PCDHGA2: variants seen among roughly 807,000 people sequenced by gnomAD.
The protein encoded by PCDHGA2 is protocadherin gamma-A2.
In PCDHGA2, 40 loss-of-function variants were observed where a neutral mutation model predicts 59.2. The ratio of observed to expected loss-of-function variants is 0.68; its 90% confidence interval spans 0.52 to 0.88. The LOEUF is 0.88. Ranked by LOEUF, PCDHGA2 falls within the 40% of genes least tolerant of loss-of-function variation. The pLI is 0.00. For missense variants in PCDHGA2, 1,226 were observed against 1,204.0 expected, an observed-to-expected ratio of 1.02 and a Z score of -0.27; for synonymous variants, 560 against 526.0, an observed-to-expected ratio of 1.06 and a Z score of -0.89.
chr5:141,353,687 C>T (rs555307178), intron 1 of PCDHGA2, among the ~76,000 whole-genome samples: 3 of 152,224 alleles, frequency 2.0e-5, no homozygotes, highest in South Asian at 2.1e-4. Context: ...GTTTATAAAG[C>T]GTTTTCCATA....
rs1302496204 is a variant in PCDHGA2, at chr5:141,413,214, T to A, written c.2424+71819T>A. On this transcript the variant is annotated intron_variant, in intron 1 of 3. Coordinates refer to ENST00000394576, the MANE Select transcript of PCDHGA2 (RefSeq NM_018915.4). ...GGAATCGCTCAAAGGAATCAAAGGA[T>A]TGCAGCGGGCTGGTCCTGCTCTGCC... 6 of 1,613,176 alleles carry A rather than the reference T, an allele frequency of 3.7e-6. No homozygotes were observed. The African/African-American group carries it at 8.0e-5, about 22-fold the overall frequency.
chr5:141,366,703 T>C, intron 1 of PCDHGA2: 5 of 1,614,226 alleles, frequency 3.1e-6, no homozygotes, highest in Non-Finnish European at 3.4e-6. Context: ...GCGAGCCTCT[T>C]CTGATGTCTG....
chr5:141,438,627 TATATATATACACACAC>T (rs1396288881), intron 1 of PCDHGA2, among the ~76,000 whole-genome samples: 69 of 48,002 alleles, frequency 1.4e-3, no homozygotes, highest in Admixed American at 2.8e-3. Flanking sequence ...TATATATATA[TATATATATACACACAC>T]ACACACACAT....
Position 141,432,098 on chromosome 5 carries a change from G to A in PCDHGA2, c.2425-62709G>A. 1.2e-6 allele frequency: 2 copies of A among 1,614,056 alleles called. No homozygotes were observed. Among genetic ancestry groups the A allele is most frequent in the Non-Finnish European group, 1.7e-6 (2 of 1,180,002 alleles). ...CTCGCTGAACGTGGCAGACACCAAC[G>A]ACAACCCGCCGGTCTTCCCTCAGGC... On this transcript the variant is annotated intron_variant, in intron 1 of 3. Transcript: ENST00000394576. The surrounding 1 kb of genome is among the most constrained non-coding windows in gnomAD (Gnocchi z 6.0).
intron 1 of PCDHGA2, chr5:141,365,836 C>T: frequency 6.2e-7 from 1 of 1,613,976 alleles, no homozygotes; most frequent in Non-Finnish European, 8.5e-7. Flanking sequence ...CGCCCTTGTC[C>T]TCCTATGTAT....
Position 141,476,294 on chromosome 5 carries a change from A to G in PCDHGA2, c.2425-18513A>G. 6.2e-7 allele frequency: 1 copy of G among 1,613,036 alleles called. No homozygotes were observed. The highest frequency in any genetic ancestry group is 8.5e-7 in the Non-Finnish European group (1 of 1,179,642). On this transcript the variant is annotated intron_variant, in intron 1 of 3. Transcript: ENST00000394576. The surrounding 1 kb of genome is among the most constrained non-coding windows in gnomAD (Gnocchi z 7.6). ...CGCGAACCTTGGTTTGGATCTCGGT[A>G]GCCTCTCAGCCCGCAGGTTCCGGGT...
At chr5:141,399,851 C>T (rs971471583) in intron 1 of PCDHGA2, 3 of 1,612,950 alleles carry the variant, frequency 1.9e-6, no homozygotes, top group Non-Finnish European at 2.5e-6. Flanking sequence ...GATATGGTGC[C>T]GCGCGCTGCA....
intron 1 of PCDHGA2, chr5:141,370,587 A>G (rs775639424): frequency 6.8e-6 from 11 of 1,613,960 alleles, no homozygotes; most frequent in Non-Finnish European, 8.5e-6. Context: ...ACCTACTAGG[A>G]ACCTGCGGGT....
Position 141,486,230 on chromosome 5 carries a change from A to C in PCDHGA2, c.2425-8577A>C. On this transcript the variant is annotated intron_variant, in intron 1 of 3. Coordinates refer to ENST00000394576, the MANE Select transcript of PCDHGA2 (RefSeq NM_018915.4). The surrounding 1 kb of genome is among the most constrained non-coding windows in gnomAD (Gnocchi z 5.0). ...TGACAATGCCCCTTACATCACAGTGACCTCAGAGCTTGGAACCCTCCCCGA... is the reference window on the plus strand; with the variant it reads ...TGACAATGCCCCTTACATCACAGTGCCCTCAGAGCTTGGAACCCTCCCCGA... The C allele has an allele frequency of 6.2e-7, 1 of 1,614,016 alleles. No individual in the cohort carries two copies. Among genetic ancestry groups the C allele is most frequent in the Non-Finnish European group, 8.5e-7 (1 of 1,179,964 alleles).
At chr5:141,503,133 C>A (rs1164077875) in intron 2 of PCDHGA2, among the ~76,000 whole-genome samples, 1 of 152,002 alleles carries the variant, frequency 6.6e-6, no homozygotes, top group Non-Finnish European at 1.5e-5. Context: ...CTGGTAGCCC[C>A]TGACACAGCC....
rs61612330 is a variant in PCDHGA2 at position 141,454,796 on chromosome 5, A to ATTTTTTTTTTTTTTTTTTTTTTTTT, written c.2425-40006_2425-39982dup. ...AAGGAAATAATCCTCCATGGTTCTA[A>ATTTTTTTTTTTTTTTTTTTTTTTTT]TTTTTTTTTTTTTTTTTTTTTTTTT... On this transcript the variant is annotated intron_variant, in intron 1 of 3. Coordinates refer to ENST00000394576, the MANE Select transcript of PCDHGA2 (RefSeq NM_018915.4). Among the ~76,000 whole-genome samples, 7 of 77,408 alleles carry ATTTTTTTTTTTTTTTTTTTTTTTTT rather than the reference A, an allele frequency of 9.0e-5. 1 individual carries two copies. Among genetic ancestry groups the ATTTTTTTTTTTTTTTTTTTTTTTTT allele is most frequent in the East Asian group, 4.0e-4 (1 of 2,514 alleles). 50.8% of individuals were successfully genotyped at this position (77,408 alleles called of 152,430 possible). A position where few individuals can be genotyped will look rare whatever the true frequency, so the allele number is the denominator to read the frequency against.
At position 141,405,128 on chromosome 5, in the gene PCDHGA2, C is replaced by T. The variant is rs373084923; in HGVS notation, c.2424+63733C>T. On this transcript the variant is annotated intron_variant, in intron 1 of 3. Transcript: ENST00000394576. ...GCACTGGCACTCCTCGCATCTGCTG[C>T]GGGCTACCAGTGATGGGTTGGCTGG... is the stretch of plus-strand genomic sequence containing the variant. The T allele has an allele frequency of 4.8e-5, 78 of 1,614,002 alleles. No individual in the cohort carries two copies. The highest frequency in any genetic ancestry group is 2.8e-4 in the African/African-American group (21 of 75,052).
At chr5:141,385,312 C>T (rs1781113045) in intron 1 of PCDHGA2, 1 of 1,611,422 alleles carries the variant, frequency 6.2e-7, no homozygotes, top group African/African-American at 1.3e-5. Context: ...AGAAAACCTG[C>T]CAAGTATTCA....
At chr5:141,372,803 G>A (rs539583252) in intron 1 of PCDHGA2, 71 of 1,593,016 alleles carry the variant, frequency 4.5e-5, no homozygotes, top group Non-Finnish European at 6.1e-5. Flanking sequence ...CAGGCAATTT[G>A]CAAAAGGTGA....
intron 1 of PCDHGA2, chr5:141,346,318 A>G: frequency 6.2e-7 from 1 of 1,613,842 alleles, no homozygotes. Context: ...CTCACTGCGG[A>G]CTCGCGGAAG....
At chr5:141,374,059 C>T in intron 1 of PCDHGA2, 1 of 1,489,738 alleles carries the variant, frequency 6.7e-7, no homozygotes, top group Non-Finnish European at 8.9e-7. Flanking sequence ...TTCTTAATCC[C>T]AGAGAAGTTC....
Position 141,431,634 on chromosome 5 carries a change from T to C in PCDHGA2, c.2425-63173T>C. 2.5e-6 allele frequency: 4 copies of C among 1,614,238 alleles called. No homozygotes were observed. Among genetic ancestry groups the C allele is most frequent in the Non-Finnish European group, 3.4e-6 (4 of 1,180,044 alleles). ...GTGGACGACAAGGCGGCCCAAGTTTTCAAACTAGATTGTAATTCAGGGACA... is the reference window on the plus strand; with the variant it reads ...GTGGACGACAAGGCGGCCCAAGTTTCCAAACTAGATTGTAATTCAGGGACA... On this transcript the variant is annotated intron_variant, in intron 1 of 3. Coordinates refer to ENST00000394576, the MANE Select transcript of PCDHGA2 (RefSeq NM_018915.4). The surrounding 1 kb of genome is among the most constrained non-coding windows in gnomAD (Gnocchi z 4.8).
At chr5:141,478,044 C>G in intron 1 of PCDHGA2, 1 of 1,614,184 alleles carries the variant, frequency 6.2e-7, no homozygotes. Flanking sequence ...CCCAGGCAGA[C>G]TCTCACGGTC....
At chr5:141,374,573 A>G in intron 1 of PCDHGA2, 1 of 1,613,740 alleles carries the variant, frequency 6.2e-7, no homozygotes, top group Non-Finnish European at 8.5e-7. Context: ...TGATGTGGGA[A>G]TGAACTCCCT....
Sources: gnomAD v4.1 joint callset for allele counts (sites outside exome capture counted in the v4.1 genomes callset) on GRCh38, gnomAD v4.1.1 for gene constraint, Gnocchi (gnomAD v3.1) non-coding constraint, MANE v1.5 for transcripts, NCBI Gene and HGNC (gene_info 2026-07-23, HGNC 2026-07-21) for gene names.